The following SDR9C7 variants were observed in gnomAD, a reference collection of about 807,000 sequenced individuals.
SDR9C7 encodes the protein short chain dehydrogenase/reductase family 9C member 7.
SDR9C7 carries 11 observed loss-of-function variants against 23.6 expected under a neutral mutation model. The ratio of observed to expected loss-of-function variants is 0.47; its 90% CI spans 0.29 to 0.77. The LOEUF (loss-of-function observed/expected upper bound fraction) is 0.77, where lower values mean the gene tolerates loss of function less well. Ranked by LOEUF, SDR9C7 falls within the 30% of genes least tolerant of loss-of-function variation. The pLI is 0.09. For missense variants in SDR9C7, 387 were observed against 407.1 expected, an observed-to-expected ratio of 0.95 and a Z score of 0.42; for synonymous variants, 167 against 157.3, an observed-to-expected ratio of 1.06 and a Z score of -0.46.
chr12:56,929,380 A>T lies in SDR9C7; in HGVS notation c.724+10T>A. ...CCCTCAGAGACCCCTCTCCTGCCCC[A>T]GGAACTTACAGATGCGGAAATAATC... On this transcript the variant is annotated intron_variant, in intron 3 of 3. Coordinates refer to ENST00000293502, the MANE Select transcript of SDR9C7 (RefSeq NM_148897.3). 1 of 1,594,438 alleles carries T rather than the reference A, an allele frequency of 6.3e-7. No individual in the cohort carries two copies.
Position 56,930,326 on chromosome 12 carries a change from T to C in SDR9C7, c.460A>G (p.Arg154Gly), listed in dbSNP as rs2056588202. The change falls in exon 2 of 4, where the codon AGG (arginine) becomes GGG (glycine). Residue 154 changes from arginine to glycine, a missense_variant. Physicochemically the swap from Arg to Gly is moderately radical, Grantham distance 125. Coordinates refer to ENST00000293502, the MANE Select transcript of SDR9C7 (RefSeq NM_148897.3). ...MLPMVKRARG[R>G]VVNMSSSGGR... Reference sequence around the variant, plus strand: ...CCAGAGCTGGACATGTTGACAACCCTGCCCCGGGCTCTCTTGACCATGGGC... The same window carrying C: ...CCAGAGCTGGACATGTTGACAACCCCGCCCCGGGCTCTCTTGACCATGGGC... 4.3e-6 allele frequency: 7 copies of C among 1,614,134 alleles called. No homozygotes were observed. The highest frequency in any genetic ancestry group is 5.1e-6 in the Non-Finnish European group (6 of 1,180,028).
intron 1 of SDR9C7, among the ~76,000 whole-genome samples, chr12:56,933,030 C>T (rs1338177909): frequency 6.6e-6 from 1 of 152,222 alleles, no homozygotes; most frequent in Non-Finnish European, 1.5e-5. Context: ...CCTGGGCCCA[C>T]ACCCTGTGTG....
intron 1 of SDR9C7, among the ~76,000 whole-genome samples, chr12:56,932,401 C>G (rs933336260): frequency 2.0e-5 from 3 of 152,146 alleles, no homozygotes; most frequent in Admixed American, 2.0e-4. Context: ...CTGGAAAAGT[C>G]GATGAGACGG....
Position 56,923,955 on chromosome 12 carries a change from G to A in SDR9C7, c.820C>T (p.Arg274Cys), listed in dbSNP as rs894078139. 48 of 1,613,946 alleles carry A rather than the reference G, an allele frequency of 3.0e-5. No homozygotes were observed. Among genetic ancestry groups the A allele is most frequent in the Non-Finnish European group, 3.8e-5 (45 of 1,179,954 alleles). Residue 274 changes from arginine (R) to cysteine (C), a missense_variant, in exon 4 of 4, where the codon CGC becomes TGC. Coordinates refer to ENST00000293502, the MANE Select transcript of SDR9C7 (RefSeq NM_148897.3). ...TCCAGGCCAGGGTTGTAGCGGATGC[G>A]AGGGCTCCGGGAAACAATAGCATGC... ...MEHAIVSRSPRIRYNPGLDAK... is the reference protein window; with the variant it reads ...MEHAIVSRSPCIRYNPGLDAK...
intron 1 of SDR9C7, among the ~76,000 whole-genome samples, chr12:56,933,074 C>A (rs1245013622): frequency 6.6e-6 from 1 of 152,234 alleles, no homozygotes; most frequent in Non-Finnish European, 1.5e-5. Flanking sequence ...CCACACAGTC[C>A]TGGGCCAGCC....
At chr12:56,932,761 TA>T (rs1402623933) in intron 1 of SDR9C7, among the ~76,000 whole-genome samples, 1 of 152,158 alleles carries the variant, frequency 6.6e-6, no homozygotes, top group East Asian at 1.9e-4. Flanking sequence ...GTACAGTAAA[TA>T]AAAGGGACAA....
chr12:56,924,056 T>C lies in SDR9C7; in HGVS notation c.725-6A>G. 1 of 1,596,728 alleles carries C rather than the reference T, an allele frequency of 6.3e-7. No homozygotes were observed. Among genetic ancestry groups the C allele is most frequent in the Non-Finnish European group, 8.6e-7 (1 of 1,166,084 alleles). On this transcript the variant is annotated splice_polypyrimidine_tract_variant and splice_region_variant and intron_variant, in intron 3 of 3. Transcript: ENST00000293502. The stretch of plus-strand genomic sequence containing the variant: ...GTTTTTTAACTTGTCAGTATCTGTT[T>C]GAGGGCAGAGAGGGGAAAAAGGCTC...
intron 3 of SDR9C7, among the ~76,000 whole-genome samples, chr12:56,928,309 C>T (rs1955747342): frequency 6.6e-6 from 1 of 151,464 alleles, no homozygotes; most frequent in South Asian, 2.1e-4. Flanking sequence ...TACGCATCCC[C>T]TCTTTCCCCT....
Position 56,930,456 on chromosome 12 carries a change from A to G in SDR9C7, c.330T>C (p.Gly110=). The stretch of plus-strand genomic sequence containing the variant: ...CGTTGGGACCACTGGGCAGGCCCAC[A>G]CCAGCATTGTTCACCAGGGCCCAGA... The part of the protein sequence containing the change: ...QGLWALVNNA[G]VGLPSGPNEW... The change falls in exon 2 of 4, where the codon GGT becomes GGC. Residue 110 remains glycine (G), a synonymous_variant. Transcript: ENST00000293502. 1 of 1,614,138 alleles carries G rather than the reference A, an allele frequency of 6.2e-7. No homozygotes were observed.
intron 1 of SDR9C7, among the ~76,000 whole-genome samples, chr12:56,930,705 T>C (rs1328625292): frequency 6.6e-6 from 1 of 152,260 alleles, no homozygotes; most frequent in African/African-American, 2.4e-5. Flanking sequence ...TAGCTGGCGC[T>C]CTGTACTAGC....
At position 56,923,894 on chromosome 12, in the gene SDR9C7, G is replaced by A. The variant is rs1475325722; in HGVS notation, c.881C>T (p.Pro294Leu). 1.2e-6 allele frequency: 2 copies of A among 1,613,998 alleles called. No individual in the cohort carries two copies. The highest frequency in any genetic ancestry group is 1.7e-6 in the Non-Finnish European group (2 of 1,180,020). Residue 294 changes from proline (P) to leucine (L), a missense_variant, in exon 4 of 4, where the codon CCC becomes CTC. Physicochemically the swap from Pro to Leu is moderately conservative, Grantham distance 98. Transcript: ENST00000293502. ...TAGGATGAAATCTGTCACAGGGGTG[G>A]GCAACTTAGCCAGAGGGATGTAGAG... ...KLLYIPLAKLPTPVTDFILSR... is the reference protein window; with the variant it reads ...KLLYIPLAKLLTPVTDFILSR...
chr12:56,929,451 C>G lies in SDR9C7; in HGVS notation c.663G>C (p.Lys221Asn). 1 of 1,613,878 alleles carries G rather than the reference C, an allele frequency of 6.2e-7. No individual in the cohort carries two copies. Among genetic ancestry groups the G allele is most frequent in the South Asian group, 1.1e-5 (1 of 91,078 alleles). The change falls in exon 3 of 4, where the codon AAG becomes AAC. Residue 221 changes from lysine to asparagine, a missense_variant. Physicochemically the swap from Lys to Asn is moderately conservative, Grantham distance 94 (BLOSUM62 0). Transcript: ENST00000293502. ...GKENLESRMR[K>N]LWERLPQETR... ...TCTCCTGAGGCAGCCTCTCCCAAAG[C>G]TTTCGCATGCGTGACTCCAGGTTCT...
At chr12:56,929,841 C>T (rs116498382) in intron 2 of SDR9C7, among the ~76,000 whole-genome samples, 273 of 152,224 alleles carry the variant, frequency 1.8e-3, no homozygotes, top group African/African-American at 6.5e-3. Flanking sequence ...CATTAGCAAC[C>T]CCTCACTCAA....
intron 3 of SDR9C7, among the ~76,000 whole-genome samples, chr12:56,927,645 G>A (rs143679717): frequency 7.8e-4 from 119 of 152,302 alleles, no homozygotes; most frequent in African/African-American, 2.4e-3. Context: ...CCTCCAAGTC[G>A]GAGTGTACAT....
chr12:56,932,409 C>T (rs776579591), intron 1 of SDR9C7, among the ~76,000 whole-genome samples: 21 of 152,202 alleles, frequency 1.4e-4, no homozygotes, highest in Non-Finnish European at 2.4e-4. Context: ...GTCGATGAGA[C>T]GGATTCTCCT....
chr12:56,927,284 C>T (rs1294482007), intron 3 of SDR9C7, among the ~76,000 whole-genome samples: 1 of 152,214 alleles, frequency 6.6e-6, no homozygotes, highest in Admixed American at 6.5e-5. Flanking sequence ...GCTCTCTTCA[C>T]CCTGAGTGCT....
chr12:56,931,057 C>A (rs1009574618), intron 1 of SDR9C7, among the ~76,000 whole-genome samples: 2 of 151,934 alleles, frequency 1.3e-5, no homozygotes, highest in Non-Finnish European at 2.9e-5. Context: ...CAGAGTAAGA[C>A]CCCTGTCTCT....
rs563149219 is a variant in SDR9C7 at position 56,934,110 on chromosome 12, T to C, written c.152A>G (p.Gln51Arg). ...CTCAGTGAAGCAAGCAGCCAGCACC[T>C]GCATGCCCCGATCAACCAGCTGTTT... ...LAKQLVDRGM[Q>R]VLAACFTEEG... is the part of the protein sequence containing the mutation. Residue 51 changes from glutamine to arginine, a missense_variant, in exon 1 of 4, where the codon CAG becomes CGG. Physicochemically the swap from Gln to Arg is conservative, Grantham distance 43. Transcript: ENST00000293502. The C allele has an allele frequency of 3.1e-6, 5 of 1,614,208 alleles. No homozygotes were observed. In the African/African-American group the frequency reaches 4.0e-5, roughly 13 times the overall value.
At chr12:56,928,660 T>C (rs1457014839) in intron 3 of SDR9C7, among the ~76,000 whole-genome samples, 1 of 152,186 alleles carries the variant, frequency 6.6e-6, no homozygotes, top group African/African-American at 2.4e-5. Flanking sequence ...AGTGTGTATG[T>C]ATTAAGTGAA....
Sources: gnomAD v4.1 joint callset for allele counts (sites outside exome capture counted in the v4.1 genomes callset) on GRCh38, gnomAD v4.1.1 for gene constraint, MANE v1.5 for transcripts, NCBI Gene and HGNC (gene_info 2026-07-23, HGNC 2026-07-21) for gene names.